The following GMDS variants were observed in gnomAD, a reference collection of about 807,000 sequenced individuals.
GMDS encodes GDP-mannose 4,6 dehydratase.
Under a neutral mutation model 49.9 loss-of-function variants are expected in GMDS, and 20 were observed. That is an observed-to-expected ratio of 0.40 (90% CI 0.28 to 0.58). The LOEUF (loss-of-function observed/expected upper bound fraction) is 0.58. GMDS is among the 20% of genes least tolerant of loss of function. The pLI is 0.42. For synonymous variants in GMDS, 177 were observed against 178.6 expected (o/e 0.99, Z 0.07); for missense variants, 362 against 481.4 (o/e 0.75, Z 2.32).
intron 4 of GMDS, among the ~76,000 whole-genome samples, chr6:2,012,288 T>C (rs551859111): frequency 1.3e-5 from 2 of 152,302 alleles, no homozygotes; most frequent in African/African-American, 4.8e-5. Flanking sequence ...TAAAAGACTG[T>C]AATCTAATTA....
chr6:2,019,652 G>A (rs1768143405), intron 4 of GMDS, among the ~76,000 whole-genome samples: 1 of 152,072 alleles, frequency 6.6e-6, no homozygotes, highest in African/African-American at 2.4e-5. Flanking sequence ...GTTTCACCAT[G>A]TTGGCCAGGC....
chr6:1,998,557 C>T (rs1201638907), intron 4 of GMDS, among the ~76,000 whole-genome samples: 1 of 152,144 alleles, frequency 6.6e-6, no homozygotes, highest in Non-Finnish European at 1.5e-5. Flanking sequence ...ATAGGTTCAG[C>T]AGCTGCAGAT....
chr6:1,809,034 A>G (rs1242819468), intron 7 of GMDS, among the ~76,000 whole-genome samples: 1 of 152,136 alleles, frequency 6.6e-6, no homozygotes, highest in Non-Finnish European at 1.5e-5. Flanking sequence ...TTCTTTCTCA[A>G]AGATGATTTT....
chr6:2,158,183 T>C (rs911073494), intron 1 of GMDS, among the ~76,000 whole-genome samples: 1 of 152,174 alleles, frequency 6.6e-6, no homozygotes, highest in Non-Finnish European at 1.5e-5. Flanking sequence ...TATAATAGTT[T>C]AAAAACAATA....
chr6:1,706,551 G>A (rs536663718), intron 9 of GMDS, among the ~76,000 whole-genome samples: 5 of 152,268 alleles, frequency 3.3e-5, no homozygotes, highest in South Asian at 4.1e-4. Context: ...ACACATGTTC[G>A]CTAATGAACA....
chr6:1,675,863 A>AAG, intron 9 of GMDS, among the ~76,000 whole-genome samples: 1 of 152,130 alleles, frequency 6.6e-6, no homozygotes, highest in East Asian at 1.9e-4. Context: ...AAAAAAAAAA[A>AAG]AAATGATAAA....
At chr6:2,190,850 A>C (rs945369625) in intron 1 of GMDS, among the ~76,000 whole-genome samples, 2 of 152,082 alleles carry the variant, frequency 1.3e-5, no homozygotes, top group Non-Finnish European at 2.9e-5. Flanking sequence ...GCAATGGCAA[A>C]GGTGGGTCCC....
chr6:1,906,556 G>A (rs1401753661), intron 7 of GMDS, among the ~76,000 whole-genome samples: 2 of 152,124 alleles, frequency 1.3e-5, no homozygotes, highest in East Asian at 3.8e-4. Context: ...ACTGATTTTA[G>A]AAATCAAACT....
intron 9 of GMDS, among the ~76,000 whole-genome samples, chr6:1,659,026 G>A (rs1374944648): frequency 1.3e-5 from 2 of 152,192 alleles, no homozygotes; most frequent in African/African-American, 4.8e-5. Flanking sequence ...CCTTCTGAGA[G>A]TGGAAAAGGC....
intron 4 of GMDS, among the ~76,000 whole-genome samples, chr6:2,016,304 T>C (rs1224541711): frequency 6.7e-6 from 1 of 148,562 alleles, no homozygotes; most frequent in African/African-American, 2.5e-5. Context: ...AACAGACAAT[T>C]GTCCAGAAAA....
intron 4 of GMDS, among the ~76,000 whole-genome samples, chr6:1,995,097 A>G (rs1376217061): frequency 6.6e-6 from 1 of 152,180 alleles, no homozygotes; most frequent in East Asian, 1.9e-4. Context: ...TGCAAGCCGT[A>G]AGCAGCAACC....
At chr6:2,200,221 G>T (rs952519543) in intron 1 of GMDS, among the ~76,000 whole-genome samples, 3 of 152,172 alleles carry the variant, frequency 2.0e-5, no homozygotes, top group African/African-American at 7.2e-5. Flanking sequence ...GCCAGGTGAT[G>T]AAAAGTGCTA....
intron 4 of GMDS, among the ~76,000 whole-genome samples, chr6:2,013,048 A>C (rs1343155200): frequency 2.0e-5 from 3 of 152,178 alleles, no homozygotes; most frequent in Non-Finnish European, 2.9e-5. Flanking sequence ...AGAAAGAAAA[A>C]AAACTGCTAA....
At chr6:2,092,856 C>T (rs1773399052) in intron 4 of GMDS, among the ~76,000 whole-genome samples, 2 of 152,096 alleles carry the variant, frequency 1.3e-5, no homozygotes, top group Non-Finnish European at 2.9e-5. Flanking sequence ...ATCCAAAAAA[C>T]AACCTTTAAT....
At chr6:1,771,023 T>C (rs962992212) in intron 7 of GMDS, among the ~76,000 whole-genome samples, 10 of 152,142 alleles carry the variant, frequency 6.6e-5, no homozygotes, top group African/African-American at 2.4e-4. Context: ...TCATAGGATA[T>C]ATAAACAAAC....
intron 1 of GMDS, among the ~76,000 whole-genome samples, chr6:2,215,692 AG>A (rs1010700593): frequency 4.3e-4 from 66 of 152,118 alleles, no homozygotes; most frequent in African/African-American, 1.6e-3. Context: ...AAAGGAAGGA[AG>A]GGGGAAAGGA....
In GMDS at chr6:1,709,822, T is replaced by C. The variant is rs139444878; in HGVS notation, c.987+16594A>G. Among the ~76,000 whole-genome samples, 115 of 152,226 alleles carry C rather than the reference T, an allele frequency of 7.6e-4. No homozygotes were observed. In the Middle Eastern group the frequency reaches 0.014, roughly 18 times the overall value. On this transcript the variant is annotated intron_variant, in intron 9 of 10. Coordinates refer to ENST00000380815, the MANE Select transcript of GMDS (RefSeq NM_001500.4). Reference sequence around the variant, plus strand: ...TATGTTTCAAAACCAGAGCTTGAAGTTTGGGGAGAAAACAAATGTCTCTTC... The same window carrying C: ...TATGTTTCAAAACCAGAGCTTGAAGCTTGGGGAGAAAACAAATGTCTCTTC...
At chr6:1,748,768 T>C (rs1767611938) in intron 7 of GMDS, among the ~76,000 whole-genome samples, 1 of 152,270 alleles carries the variant, frequency 6.6e-6, no homozygotes, top group Non-Finnish European at 1.5e-5. Context: ...TTGCCCACCT[T>C]TGCTTTCAGC....
intron 7 of GMDS, among the ~76,000 whole-genome samples, chr6:1,755,376 G>C (rs1767902827): frequency 6.6e-6 from 1 of 152,148 alleles, no homozygotes; most frequent in African/African-American, 2.4e-5. Context: ...AACAAGAGAG[G>C]ACACAAAGAA....
Sources: gnomAD v4.1 joint callset for allele counts (sites outside exome capture counted in the v4.1 genomes callset) on GRCh38, gnomAD v4.1.1 for gene constraint, MANE v1.5 for transcripts, NCBI Gene and HGNC (gene_info 2026-07-23, HGNC 2026-07-21) for gene names.